The following PDE10A variants were observed in gnomAD, a reference collection of about 807,000 sequenced individuals.
The protein encoded by PDE10A is cAMP and cAMP-inhibited cGMP 3',5'-cyclic phosphodiesterase 10A.
A neutral mutation model predicts 97.7 loss-of-function variants in PDE10A; 39 were observed. That is an observed-to-expected ratio of 0.40 (90% confidence interval 0.31 to 0.52). PDE10A has a LOEUF of 0.52. Ranked by LOEUF, PDE10A falls within the 20% of genes least tolerant of loss-of-function variation. The probability of loss-of-function intolerance (pLI) is 0.56; values close to 1 mark genes in which losing one functional copy is unlikely to be tolerated. For missense variants in PDE10A, 731 were observed against 1,047.8 expected, an observed-to-expected ratio of 0.70 and a Z score of 4.17; for synonymous variants, 371 against 376.8, an observed-to-expected ratio of 0.98 and a Z score of 0.18.
chr6:165,447,803 G>A (rs909435277), intron 5 of PDE10A, among the ~76,000 whole-genome samples: 3 of 152,100 alleles, frequency 2.0e-5, no homozygotes, highest in South Asian at 4.1e-4. Context: ...CTAGGAGAGG[G>A]GCTTGGGAAA....
At chr6:165,825,194 G>T (rs1226455617) in intron 1 of PDE10A, among the ~76,000 whole-genome samples, 1 of 150,940 alleles carries the variant, frequency 6.6e-6, no homozygotes, top group Non-Finnish European at 1.5e-5. Context: ...GGGGGCATTT[G>T]TTAAAGGGTT....
chr6:165,534,435 C>T (rs902625784), intron 2 of PDE10A, among the ~76,000 whole-genome samples: 1 of 151,884 alleles, frequency 6.6e-6, no homozygotes, highest in Admixed American at 6.6e-5. Context: ...AAAATACTTT[C>T]AAACTCATTC....
At chr6:165,596,986 C>T (rs1249800882) in intron 1 of PDE10A, among the ~76,000 whole-genome samples, 1 of 151,946 alleles carries the variant, frequency 6.6e-6, no homozygotes, top group Non-Finnish European at 1.5e-5. Flanking sequence ...TAAATTTTTG[C>T]TCAAATTTTA....
intron 1 of PDE10A, among the ~76,000 whole-genome samples, chr6:165,842,197 A>G (rs1054179685): frequency 3.3e-5 from 5 of 152,206 alleles, no homozygotes; most frequent in Non-Finnish European, 5.9e-5. Context: ...ATAATGTTAT[A>G]CATTTTTTTT....
intron 1 of PDE10A, among the ~76,000 whole-genome samples, chr6:165,604,726 C>T (rs1340773557): frequency 3.9e-5 from 6 of 152,102 alleles, no homozygotes; most frequent in African/African-American, 4.8e-5. Context: ...GGGCTGCTTG[C>T]GCTATGTTAC....
At chr6:165,435,632 G>A (rs1159578537) in intron 5 of PDE10A, among the ~76,000 whole-genome samples, 1 of 152,092 alleles carries the variant, frequency 6.6e-6, no homozygotes, top group East Asian at 1.9e-4. Flanking sequence ...TCTTCAAATA[G>A]CCTCCTATTT....
intron 18 of PDE10A, among the ~76,000 whole-genome samples, chr6:165,364,739 AT>A (rs1562385712): frequency 1.3e-5 from 2 of 152,340 alleles, no homozygotes; most frequent in East Asian, 3.9e-4. Context: ...CAACTATAAA[AT>A]TTTAACTTAA....
chr6:165,875,735 T>TTTTTG (rs1554334707), intron 1 of PDE10A, among the ~76,000 whole-genome samples: 1 of 69,928 alleles, frequency 1.4e-5, no homozygotes, highest in Admixed American at 1.3e-4. Flanking sequence ...TTTACTGTTT[T>TTTTTG]TTTTTTTTTT....
intron 2 of PDE10A, among the ~76,000 whole-genome samples, chr6:165,535,077 T>C (rs1484905602): frequency 6.6e-6 from 1 of 151,990 alleles, no homozygotes; most frequent in African/African-American, 2.4e-5. Context: ...TTTGAACTGA[T>C]ACACGAATTC....
At chr6:165,960,409 C>A (rs4083115) in intron 1 of PDE10A, among the ~76,000 whole-genome samples, 57 of 152,100 alleles carry the variant, frequency 3.7e-4, no homozygotes, top group African/African-American at 1.3e-3. Context: ...GATTCCAGGA[C>A]GAGGAAAGAG....
intron 1 of PDE10A, among the ~76,000 whole-genome samples, chr6:165,651,514 G>A (rs1789685941): frequency 6.6e-6 from 1 of 152,324 alleles, no homozygotes; most frequent in African/African-American, 2.4e-5. Flanking sequence ...GCATGCTATG[G>A]GACATGGAGA....
intron 1 of PDE10A, among the ~76,000 whole-genome samples, chr6:165,962,886 C>G (rs573427472): frequency 5.1e-4 from 78 of 152,306 alleles, no homozygotes; most frequent in African/African-American, 1.8e-3. Context: ...TAATAATCAG[C>G]AAATTAACCT....
At chr6:165,358,875 G>A (rs1372359334) in intron 18 of PDE10A, among the ~76,000 whole-genome samples, 1 of 151,518 alleles carries the variant, frequency 6.6e-6, no homozygotes, top group East Asian at 2.0e-4. Context: ...TAGGGAAACT[G>A]TAAAAAGAGC....
chr6:165,616,272 A>T (rs1333090259), intron 1 of PDE10A, among the ~76,000 whole-genome samples: 1 of 152,158 alleles, frequency 6.6e-6, no homozygotes, highest in Non-Finnish European at 1.5e-5. Flanking sequence ...TCTGAAAATA[A>T]GAGGTCCCTG....
chr6:165,828,166 T>C (rs1388787055), intron 1 of PDE10A, among the ~76,000 whole-genome samples: 1 of 152,238 alleles, frequency 6.6e-6, no homozygotes, highest in Non-Finnish European at 1.5e-5. Flanking sequence ...AGAAAAATGT[T>C]GGTTCTAAGG....
intron 1 of PDE10A, among the ~76,000 whole-genome samples, chr6:165,634,176 G>C (rs934748702): frequency 1.3e-5 from 2 of 152,148 alleles, no homozygotes; most frequent in Non-Finnish European, 2.9e-5. Context: ...CATGTGCTTT[G>C]AGAATCAATG....
chr6:165,451,043 T>C (rs192244736), intron 3 of PDE10A, among the ~76,000 whole-genome samples: 1 of 152,356 alleles, frequency 6.6e-6, no homozygotes, highest in East Asian at 1.9e-4. Context: ...TAGGAAAGTC[T>C]GCTGCAGTCG....
At chr6:165,633,960 T>C (rs1025346254) in intron 1 of PDE10A, among the ~76,000 whole-genome samples, 11 of 152,194 alleles carry the variant, frequency 7.2e-5, no homozygotes, top group Admixed American at 6.5e-4. Flanking sequence ...AACAGACTCA[T>C]AGGGTCTGCT....
intron 1 of PDE10A, among the ~76,000 whole-genome samples, chr6:165,619,504 G>GTAGTCTAGCGTAGTC (rs1258905188): frequency 5.2e-5 from 1 of 19,322 alleles, no homozygotes; most frequent in Non-Finnish European, 1.1e-4. Flanking sequence ...GTAGTCTAGT[G>GTAGTCTAGCGTAGTC]TAGTGTAGTC....
Sources: allele counts gnomAD v4.1 joint callset (sites outside exome capture counted in the v4.1 genomes callset), GRCh38; gene constraint gnomAD v4.1.1; transcripts MANE v1.5; gene names NCBI Gene and HGNC (gene_info 2026-07-23, HGNC 2026-07-21).